Variants in CFAP96 observed in about 807,000 individuals in gnomAD.
CFAP96 encodes cilia and flagella associated protein 96.
chr4:185,420,140 T>G, the CFAP96 span, among the ~76,000 whole-genome samples: 1 of 151,910 alleles, frequency 6.6e-6, no homozygotes, highest in African/African-American at 2.4e-5. Context: ...TATATCCCAC[T>G]AGGCCTATAT....
chr4:185,449,594 A>G, the CFAP96 span: 11 of 1,533,630 alleles, frequency 7.2e-6, no homozygotes, highest in Non-Finnish European at 9.7e-6. Flanking sequence ...TTCCAATTTT[A>G]GGGCACTAAA....
the CFAP96 span, among the ~76,000 whole-genome samples, chr4:185,443,452 G>A: frequency 1.9e-4 from 28 of 146,940 alleles, no homozygotes; most frequent in African/African-American, 6.0e-4. Flanking sequence ...CAATTCAAGC[G>A]ATTCCTTTGC....
the CFAP96 span, chr4:185,436,304 G>A: frequency 1.3e-6 from 2 of 1,550,950 alleles, no homozygotes; most frequent in Non-Finnish European, 1.7e-6. Context: ...ATTACCATAG[G>A]TAAACAGTTT....
At chr4:185,414,292 A>C in the CFAP96 span, among the ~76,000 whole-genome samples, 2 of 152,358 alleles carry the variant, frequency 1.3e-5, no homozygotes, top group African/African-American at 2.4e-5. Context: ...CAAATATTTT[A>C]TATTGTAAGT....
chr4:185,443,443 A>G, the CFAP96 span, among the ~76,000 whole-genome samples: 1 of 146,038 alleles, frequency 6.8e-6, no homozygotes, highest in South Asian at 2.2e-4. Context: ...TCCCAGGTTC[A>G]ATTCAAGCGA....
the CFAP96 span, chr4:185,415,226 C>A: frequency 6.2e-7 from 1 of 1,603,998 alleles, no homozygotes. Flanking sequence ...TTTTTTTTCC[C>A]TGGTAATAAA....
At chr4:185,433,011 C>T in the CFAP96 span, among the ~76,000 whole-genome samples, 1 of 151,986 alleles carries the variant, frequency 6.6e-6, no homozygotes, top group African/African-American at 2.4e-5. Flanking sequence ...GGTTCTGGGC[C>T]ACGCCTGGCC....
chr4:185,434,998 C>T, the CFAP96 span, among the ~76,000 whole-genome samples: 2 of 151,900 alleles, frequency 1.3e-5, no homozygotes, highest in African/African-American at 2.4e-5. Context: ...ACCTCAGCCT[C>T]CCAAAGTGCT....
the CFAP96 span, among the ~76,000 whole-genome samples, chr4:185,427,650 C>T: frequency 1.3e-5 from 2 of 151,748 alleles, no homozygotes. Context: ...GTCCCAGCTA[C>T]CTGGGAGGCT....
the CFAP96 span, chr4:185,449,501 C>T: frequency 2.0e-5 from 15 of 745,318 alleles, no homozygotes; most frequent in Non-Finnish European, 3.2e-5. Flanking sequence ...CCAGCCTGGG[C>T]AACAGAGCGA....
chr4:185,419,310 T>C, the CFAP96 span, among the ~76,000 whole-genome samples: 1 of 152,162 alleles, frequency 6.6e-6, no homozygotes, highest in African/African-American at 2.4e-5. Flanking sequence ...TTTTGTATTT[T>C]TAGTAGAGAC....
chr4:185,415,031 G>C, the CFAP96 span: 1 of 793,898 alleles, frequency 1.3e-6, no homozygotes, highest in Non-Finnish European at 1.9e-6. Context: ...AAAATGAATA[G>C]TCTAAATTCC....
chr4:185,409,247 AC>A, the CFAP96 span, among the ~76,000 whole-genome samples: 1 of 152,212 alleles, frequency 6.6e-6, no homozygotes, highest in Non-Finnish European at 1.5e-5. Context: ...TTATTTGATG[AC>A]GCTAAGTTAA....
the CFAP96 span, among the ~76,000 whole-genome samples, chr4:185,447,220 C>T: frequency 6.7e-5 from 10 of 150,332 alleles, no homozygotes; most frequent in Non-Finnish European, 1.0e-4. Context: ...CTCACTCTGT[C>T]GCCCAGGCTG....
At chr4:185,412,562 G>A in the CFAP96 span, among the ~76,000 whole-genome samples, 64 of 152,292 alleles carry the variant, frequency 4.2e-4, no homozygotes, top group African/African-American at 1.5e-3. Context: ...GAGTTAGCCA[G>A]GCAGCCAGGA....
the CFAP96 span, among the ~76,000 whole-genome samples, chr4:185,429,044 A>C: frequency 6.6e-6 from 1 of 152,368 alleles, no homozygotes; most frequent in Admixed American, 6.5e-5. Context: ...TACAGTAATA[A>C]TTTTATCATT....
At chr4:185,443,320 G>GTGTATA in the CFAP96 span, among the ~76,000 whole-genome samples, 2 of 55,994 alleles carry the variant, frequency 3.6e-5, no homozygotes, top group African/African-American at 1.3e-4. Context: ...TATTTTTTAT[G>GTGTATA]TATATATATA....
At chr4:185,421,388 G>A in the CFAP96 span, among the ~76,000 whole-genome samples, 683 of 152,324 alleles carry the variant, frequency 4.5e-3, 4 homozygotes, top group African/African-American at 0.015. Context: ...TGTTTGAAGT[G>A]GGGCCTGGTG....
chr4:185,430,151 CA>C, the CFAP96 span, among the ~76,000 whole-genome samples: 2 of 152,144 alleles, frequency 1.3e-5, no homozygotes, highest in East Asian at 3.8e-4. Flanking sequence ...CCAAGAAGGC[CA>C]TCCATTGTTA....
Sources: gnomAD v4.1 joint callset for allele counts (sites outside exome capture counted in the v4.1 genomes callset) on GRCh38, gnomAD v4.1.1 for gene constraint, MANE v1.5 for transcripts, NCBI Gene and HGNC (gene_info 2026-07-23, HGNC 2026-07-21) for gene names.